ATP13A4: variants seen among roughly 807,000 people sequenced by gnomAD.
The protein encoded by ATP13A4 is ATPase 13A4.
A neutral mutation model predicts 142.5 loss-of-function variants in ATP13A4; 114 were observed. That is an observed-to-expected ratio of 0.80 (90% CI 0.69 to 0.93). The LOEUF (loss-of-function observed/expected upper bound fraction) is 0.93, where lower values mean the gene tolerates loss of function less well. ATP13A4 is among the 40% of genes least tolerant of loss of function. ATP13A4 has a pLI of 0.00. For missense variants in ATP13A4, 1,392 were observed against 1,454.0 expected, an observed-to-expected ratio of 0.96 and a Z score of 0.69; for synonymous variants, 488 against 514.8, an observed-to-expected ratio of 0.95 and a Z score of 0.70.
At chr3:193,476,425 A>T (rs1361824046) in intron 8 of ATP13A4, among the ~76,000 whole-genome samples, 2 of 152,080 alleles carry the variant, frequency 1.3e-5, no homozygotes, top group African/African-American at 4.8e-5. Flanking sequence ...TTACAGAAAT[A>T]TGACTGGTTT....
At chr3:193,435,339 A>C (rs1210942649) in intron 24 of ATP13A4, among the ~76,000 whole-genome samples, 1 of 152,150 alleles carries the variant, frequency 6.6e-6, no homozygotes, top group Non-Finnish European at 1.5e-5. Flanking sequence ...ACTAGGGTAG[A>C]GCCACGTTGC....
intron 12 of ATP13A4, 103 bp downstream of exon 12, chr3:193,464,837 A>G (rs1718167505): frequency 8.1e-7 from 1 of 1,238,970 alleles, no homozygotes; most frequent in Admixed American, 1.7e-5. Flanking sequence ...GAAGACAGGC[A>G]CCCACATTCT....
intron 3 of ATP13A4, among the ~76,000 whole-genome samples, chr3:193,501,466 T>A (rs1720534843): frequency 6.6e-6 from 1 of 151,942 alleles, no homozygotes; most frequent in Admixed American, 6.6e-5. Flanking sequence ...CAGGTGCCTG[T>A]ATTCCCAGCT....
At chr3:193,420,003 T>C (rs1215156543) in intron 25 of ATP13A4, among the ~76,000 whole-genome samples, 1 of 150,036 alleles carries the variant, frequency 6.7e-6, no homozygotes, top group African/African-American at 2.5e-5. Context: ...GGGAACTTCG[T>C]TGCCATTATA....
chr3:193,577,166 T>G (rs1321816090), intron 2 of ATP13A4, among the ~76,000 whole-genome samples: 1 of 152,056 alleles, frequency 6.6e-6, no homozygotes, highest in Non-Finnish European at 1.5e-5. Context: ...AACTTCCTAT[T>G]TGGATTATGG....
At chr3:193,574,933 G>A (rs762798680) in intron 2 of ATP13A4, among the ~76,000 whole-genome samples, 1 of 152,148 alleles carries the variant, frequency 6.6e-6, no homozygotes, top group Non-Finnish European at 1.5e-5. Flanking sequence ...GAATCTGGAA[G>A]CCTCTGTGAC....
intron 1 of ATP13A4, among the ~76,000 whole-genome samples, chr3:193,584,615 A>G (rs74728828): frequency 1.3e-5 from 2 of 148,700 alleles, no homozygotes; most frequent in Non-Finnish European, 3.0e-5. Context: ...CTTTTCTTCT[A>G]TTTTTTTTTT....
chr3:193,425,508 A>G (rs1715613611), intron 25 of ATP13A4, among the ~76,000 whole-genome samples: 1 of 151,766 alleles, frequency 6.6e-6, no homozygotes, highest in Non-Finnish European at 1.5e-5. Context: ...GGTATACACG[A>G]TGGAATACTA....
At chr3:193,419,058 C>G (rs114351600) in intron 25 of ATP13A4, 1 of 150,984 alleles carries the variant, frequency 6.6e-6, no homozygotes, top group African/African-American at 2.4e-5. Context: ...CTTGGCAGAG[C>G]TGCTCCATTT....
At chr3:193,533,901 G>A (rs1181053605) in intron 1 of ATP13A4, among the ~76,000 whole-genome samples, 2 of 152,076 alleles carry the variant, frequency 1.3e-5, no homozygotes, top group Admixed American at 1.3e-4. Flanking sequence ...GTGGAGTCTG[G>A]GCCTCCACCC....
At chr3:193,591,908 TAC>T (rs1459837650) in intron 1 of ATP13A4, among the ~76,000 whole-genome samples, 4 of 152,170 alleles carry the variant, frequency 2.6e-5, no homozygotes, top group African/African-American at 7.2e-5. Flanking sequence ...CAGGAAGATC[TAC>T]AGTTTGCACA....
At chr3:193,413,811 C>T (rs754658138) in intron 26 of ATP13A4, among the ~76,000 whole-genome samples, 1 of 152,204 alleles carries the variant, frequency 6.6e-6, no homozygotes, top group Non-Finnish European at 1.5e-5. Context: ...AATATATGCA[C>T]AGCTGAACAT....
At chr3:193,475,363 T>C (rs1466974403) in intron 8 of ATP13A4, among the ~76,000 whole-genome samples, 1 of 152,022 alleles carries the variant, frequency 6.6e-6, no homozygotes, top group African/African-American at 2.4e-5. Flanking sequence ...CTGGGAAACA[T>C]AGTTACGTAT....
In ATP13A4 at chr3:193,433,006, G is replaced by A. The variant is rs149577397; in HGVS notation, c.2842+839C>T. On this transcript the variant is annotated intron_variant, in intron 25 of 29. Transcript: ENST00000342695. The stretch of plus-strand genomic sequence containing the variant: ...GATGTTATTATTAATTGTTTCTCAC[G>A]AAATGCTTTCATTGAGTTTTGCCAA... Among the ~76,000 whole-genome samples the A allele has an allele frequency of 6.7e-3, 1,027 of 152,236 alleles. 18 individuals are homozygous for A. Among genetic ancestry groups the A allele is most frequent in the African/African-American group, 0.023 (964 of 41,542 alleles).
chr3:193,478,352 G>C (rs921521456), intron 8 of ATP13A4, among the ~76,000 whole-genome samples: 3 of 151,500 alleles, frequency 2.0e-5, no homozygotes, highest in Non-Finnish European at 4.4e-5. Context: ...TCTTTGAAAA[G>C]ATAAATAAAA....
At chr3:193,429,630 T>A (rs1420132688) in intron 25 of ATP13A4, among the ~76,000 whole-genome samples, 1 of 151,844 alleles carries the variant, frequency 6.6e-6, no homozygotes, top group Non-Finnish European at 1.5e-5. Flanking sequence ...GGAGAAAGGA[T>A]GGGGAGTTAT....
At position 193,447,386 on chromosome 3, in the gene ATP13A4, C is replaced by G. The variant is rs560559620; in HGVS notation, c.2152+820G>C. 3.3e-5 allele frequency among the ~76,000 whole-genome samples: 5 copies of G among 152,118 alleles called. No homozygotes were observed. The South Asian group carries it at 6.2e-4, about 19-fold the overall frequency. ...GTACAAAAGAGGAAATAAAAGTATTCTAGAGTTTGCAACTGTAGAATTGGG... is the reference window on the plus strand; with the variant it reads ...GTACAAAAGAGGAAATAAAAGTATTGTAGAGTTTGCAACTGTAGAATTGGG... On this transcript the variant is annotated intron_variant, in intron 18 of 29. Transcript: ENST00000342695.
At chr3:193,572,614 T>C (rs1396134476) in intron 2 of ATP13A4, among the ~76,000 whole-genome samples, 3 of 152,130 alleles carry the variant, frequency 2.0e-5, no homozygotes, top group African/African-American at 7.2e-5. Flanking sequence ...AAGGACAGCC[T>C]GCAAGCTTCA....
chr3:193,452,337 C>G (rs1468569571), intron 17 of ATP13A4, among the ~76,000 whole-genome samples: 1 of 152,020 alleles, frequency 6.6e-6, no homozygotes, highest in African/African-American at 2.4e-5. Context: ...CTTGAGTGAC[C>G]CTGAACTAAG....
Sources: gnomAD v4.1 joint callset for allele counts (sites outside exome capture counted in the v4.1 genomes callset) on GRCh38, gnomAD v4.1.1 for gene constraint, MANE v1.5 for transcripts, NCBI Gene and HGNC (gene_info 2026-07-23, HGNC 2026-07-21) for gene names.